The following TMEM165 variants were observed in gnomAD, a reference collection of about 807,000 sequenced individuals.
TMEM165 encodes the protein putative divalent cation/proton antiporter TMEM165.
TMEM165 carries 19 observed loss-of-function variants against 30.0 expected under a neutral mutation model. The ratio of observed to expected loss-of-function variants is 0.63; its 90% CI spans 0.44 to 0.93. The LOEUF is 0.93. Ranked by LOEUF, TMEM165 falls within the 40% of genes least tolerant of loss-of-function variation. The pLI is 0.00. For missense variants in TMEM165, 340 were observed against 417.0 expected (o/e 0.82, Z 1.61); for synonymous variants, 168 against 162.9 (o/e 1.03, Z -0.24).
At chr4:55,405,130 C>T (rs1381658900) in intron 1 of TMEM165, among the ~76,000 whole-genome samples, 4 of 151,982 alleles carry the variant, frequency 2.6e-5, no homozygotes, top group African/African-American at 9.7e-5. Context: ...TTTGCCTTAT[C>T]TGTTGGAAAT....
At chr4:55,410,361 A>G (rs1721439467) in intron 1 of TMEM165, among the ~76,000 whole-genome samples, 1 of 152,124 alleles carries the variant, frequency 6.6e-6, no homozygotes, top group Non-Finnish European at 1.5e-5. Flanking sequence ...GCTTTGTCAC[A>G]TTTACAGCGT....
At chr4:55,446,836 C>T (rs1474316253) in intron 3 of TMEM165, among the ~76,000 whole-genome samples, 1 of 152,140 alleles carries the variant, frequency 6.6e-6, no homozygotes, top group Non-Finnish European at 1.5e-5. Flanking sequence ...TAGCCTCTTA[C>T]AGTGAACTGT....
At chr4:55,435,350 C>T in intron 3 of TMEM165, 1 of 1,578,816 alleles carries the variant, frequency 6.3e-7, no homozygotes, top group Non-Finnish European at 8.7e-7. Context: ...TTCCTCAGGT[C>T]ATCTGAGTAA....
At chr4:55,414,349 G>T (rs1024415026) in intron 2 of TMEM165, among the ~76,000 whole-genome samples, 3 of 151,652 alleles carry the variant, frequency 2.0e-5, no homozygotes, top group Non-Finnish European at 4.4e-5. Context: ...GGGTTTAACA[G>T]TCTTTATATT....
downstream of TMEM165, among the ~76,000 whole-genome samples, chr4:55,426,484 C>T (rs112660341): frequency 5.9e-5 from 9 of 152,306 alleles, no homozygotes; most frequent in South Asian, 2.1e-4. Context: ...CAACTTCAGT[C>T]GTCACCCTCG....
In TMEM165 at chr4:55,425,524, A is replaced by G. The variant is rs1722159899; in HGVS notation, c.*72A>G. 8.4e-7 allele frequency: 1 copy of G among 1,196,640 alleles called. No individual in the cohort carries two copies. The allele number at this position is 1,196,640 out of a possible 1,614,324, so 74.1% of individuals were successfully genotyped here. On this transcript the variant is annotated 3_prime_UTR_variant, in exon 6 of 6. Coordinates refer to ENST00000381334, the MANE Select transcript of TMEM165 (RefSeq NM_018475.5). ...CTTTCTGTACATAGTGTACATTACA[A>G]CTAAAAGTGATGGAAAAATACTGTA... is the stretch of plus-strand genomic sequence containing the variant.
At chr4:55,406,327 A>T (rs767042028) in intron 1 of TMEM165, among the ~76,000 whole-genome samples, 2 of 152,212 alleles carry the variant, frequency 1.3e-5, no homozygotes, top group Non-Finnish European at 2.9e-5. Context: ...ATTCCAGAAG[A>T]TACAGAAGAA....
At chr4:55,448,712 A>T in intron 3 of TMEM165, 1 of 1,389,178 alleles carries the variant, frequency 7.2e-7, no homozygotes, top group South Asian at 1.2e-5. Context: ...TTTTTAAAAA[A>T]ATTACATTAG....
rs1403567072 is a variant in TMEM165, at chr4:55,418,111, G to T, written c.792+126G>T. Reference sequence around the variant, plus strand: ...TCATATGCAAGACTGTTTTACATCTGATAATTCAGCTGCTCTCTAAAATTG... The same window carrying T: ...TCATATGCAAGACTGTTTTACATCTTATAATTCAGCTGCTCTCTAAAATTG... On this transcript the variant is annotated intron_variant, in intron 4 of 5. Coordinates refer to ENST00000381334, the MANE Select transcript of TMEM165 (RefSeq NM_018475.5). 5 of 857,120 alleles carry T rather than the reference G, an allele frequency of 5.8e-6. No homozygotes were observed. In the East Asian group the frequency reaches 1.5e-4, roughly 26 times the overall value. The allele number at this position is 857,120 out of a possible 1,614,324, so 53.1% of individuals were successfully genotyped here.
chr4:55,404,638 A>T (rs754835058), intron 1 of TMEM165, among the ~76,000 whole-genome samples: 72 of 151,606 alleles, frequency 4.7e-4, no homozygotes, highest in Non-Finnish European at 9.3e-4. Context: ...AGGTCTCACT[A>T]TGTTGCCCAG....
At chr4:55,420,014 T>C (rs1361022920) in intron 4 of TMEM165, among the ~76,000 whole-genome samples, 3 of 149,258 alleles carry the variant, frequency 2.0e-5, no homozygotes, top group Non-Finnish European at 4.5e-5. Flanking sequence ...GAGAATCACT[T>C]GAAACCGGGA....
At chr4:55,444,626 C>T in intron 3 of TMEM165, 2 of 1,613,944 alleles carry the variant, frequency 1.2e-6, no homozygotes, top group Non-Finnish European at 1.7e-6. Flanking sequence ...TCAAATATAA[C>T]AATTACCTGC....
chr4:55,401,113 A>G (rs899995810), intron 1 of TMEM165, among the ~76,000 whole-genome samples: 3 of 150,628 alleles, frequency 2.0e-5, no homozygotes, highest in Non-Finnish European at 4.4e-5. Context: ...AAGATATGTT[A>G]TAAAAACCTA....
At chr4:55,450,546 T>A (rs1053025341) in intron 3 of TMEM165, among the ~76,000 whole-genome samples, 1 of 152,114 alleles carries the variant, frequency 6.6e-6, no homozygotes, top group South Asian at 2.1e-4. Context: ...AGCAGGCAGA[T>A]CACCTGAGGT....
intron 2 of TMEM165, among the ~76,000 whole-genome samples, chr4:55,413,318 C>A (rs1560392875): frequency 6.6e-6 from 1 of 150,898 alleles, no homozygotes; most frequent in East Asian, 2.0e-4. Flanking sequence ...ATTTATTTAT[C>A]TTTTTATTTA....
chr4:55,413,299 T>A (rs1272831582), intron 2 of TMEM165, among the ~76,000 whole-genome samples: 1 of 151,930 alleles, frequency 6.6e-6, no homozygotes, highest in African/African-American at 2.4e-5. Context: ...ATTTATTTTT[T>A]AAATTTTTAT....
chr4:55,448,563 T>C (rs767872898), intron 3 of TMEM165, among the ~76,000 whole-genome samples: 2 of 151,760 alleles, frequency 1.3e-5, no homozygotes, highest in Non-Finnish European at 2.9e-5. Context: ...TCACTGCATC[T>C]GTAACTATAA....
intron 3 of TMEM165, chr4:55,443,985 T>C (rs917972284): frequency 1.2e-5 from 14 of 1,216,994 alleles, no homozygotes; most frequent in Middle Eastern, 2.8e-4. Context: ...AGCTACAAAG[T>C]ATGTTTAAAA....
In TMEM165 at chr4:55,402,795, CT is replaced by C. The variant is rs71194554; in HGVS notation, c.207+6413del. ...ACATTTTTACAACTTTTAAAAAAAGCTTTTTTTTTTTTTTGAGACGGAGTCT... is the reference window on the plus strand; with the variant it reads ...ACATTTTTACAACTTTTAAAAAAAGCTTTTTTTTTTTTTGAGACGGAGTCT... On this transcript the variant is annotated intron_variant, in intron 1 of 5. Coordinates refer to ENST00000381334, the MANE Select transcript of TMEM165 (RefSeq NM_018475.5). Among the ~76,000 whole-genome samples, 73 of 71,384 alleles carry C rather than the reference CT, an allele frequency of 1.0e-3. 1 individual carries two copies. Among genetic ancestry groups the C allele is most frequent in the Admixed American group, 2.0e-3 (10 of 5,082 alleles). 46.8% of individuals were successfully genotyped at this position (71,384 alleles called of 152,430 possible).
Sources: allele counts gnomAD v4.1 joint callset (sites outside exome capture counted in the v4.1 genomes callset), GRCh38; gene constraint gnomAD v4.1.1; transcripts MANE v1.5; gene names NCBI Gene and HGNC (gene_info 2026-07-23, HGNC 2026-07-21).